SV2B: variants seen among roughly 807,000 people sequenced by gnomAD.
SV2B encodes the protein solute carrier family 22 member B2.
Under a neutral mutation model 73.9 loss-of-function variants are expected in SV2B, and 41 were observed. The observed-to-expected ratio is 0.56, with a 90% CI of 0.43 to 0.72. The LOEUF (loss-of-function observed/expected upper bound fraction) is 0.72, where lower values mean the gene tolerates loss of function less well. Among genes scored for constraint, SV2B ranks in the 30% least tolerant of loss-of-function variants. The pLI, the probability that SV2B is intolerant of heterozygous loss-of-function variation, is 0.00. For synonymous variants in SV2B, 314 were observed against 314.2 expected, an observed-to-expected ratio of 1.00 and a Z score of 0.01; for missense variants, 764 against 857.8, an observed-to-expected ratio of 0.89 and a Z score of 1.37.
intron 1 of SV2B, among the ~76,000 whole-genome samples, chr15:91,194,442 GTA>G (rs2045167645): frequency 6.6e-6 from 1 of 152,210 alleles, no homozygotes; most frequent in Admixed American, 6.5e-5. Flanking sequence ...ACATTCTTGT[GTA>G]TGTCTTTTGG....
At chr15:91,109,050 G>A (rs2041966947) in intron 1 of SV2B, among the ~76,000 whole-genome samples, 2 of 152,138 alleles carry the variant, frequency 1.3e-5, no homozygotes, top group African/African-American at 4.8e-5. Context: ...CTCTCCTAAC[G>A]GATGACTGTC....
At chr15:91,259,568 A>G (rs2047832279) in intron 5 of SV2B, among the ~76,000 whole-genome samples, 1 of 152,218 alleles carries the variant, frequency 6.6e-6, no homozygotes, top group Non-Finnish European at 1.5e-5. Flanking sequence ...TTAAAAGGAC[A>G]AATTTATCTC....
At chr15:91,208,490 T>C (rs1006927879) in intron 1 of SV2B, among the ~76,000 whole-genome samples, 1 of 152,220 alleles carries the variant, frequency 6.6e-6, no homozygotes, top group Non-Finnish European at 1.5e-5. Context: ...AAACATCATG[T>C]ATTTGGTTTC....
At chr15:91,111,573 A>G (rs2042036696) in intron 1 of SV2B, among the ~76,000 whole-genome samples, 1 of 152,198 alleles carries the variant, frequency 6.6e-6, no homozygotes, top group South Asian at 2.1e-4. Flanking sequence ...TGAGCCTTGA[A>G]GGTTGGGCTG....
Position 91,266,666 on chromosome 15 carries a change from G to C in SV2B, c.1093G>C (p.Val365Leu). ...AGGAACCTGGTACCAGCGCTGGCTGGTCAGATTCAAGACCATTTTCAAGCA... is the reference window on the plus strand; with the variant it reads ...AGGAACCTGGTACCAGCGCTGGCTGCTCAGATTCAAGACCATTTTCAAGCA... The part of the protein sequence containing the change: ...STGTWYQRWL[V>L]RFKTIFKQVW... The change falls in exon 7 of 13, where the codon GTC (valine) becomes CTC (leucine). Residue 365 changes from valine to leucine, a missense_variant. Val to Leu is a conservative substitution (Grantham distance 32). Transcript: ENST00000394232. 6.2e-7 allele frequency: 1 copy of C among 1,613,980 alleles called. No individual in the cohort carries two copies. Among genetic ancestry groups the C allele is most frequent in the Non-Finnish European group, 8.5e-7 (1 of 1,179,944 alleles).
intron 1 of SV2B, among the ~76,000 whole-genome samples, chr15:91,221,811 T>C: frequency 6.6e-6 from 1 of 152,158 alleles, no homozygotes; most frequent in South Asian, 2.1e-4. Flanking sequence ...CAGGAGGACC[T>C]TTCCAGAGCC....
intron 6 of SV2B, among the ~76,000 whole-genome samples, chr15:91,260,750 A>G (rs547924421): frequency 3.0e-4 from 46 of 152,292 alleles, no homozygotes; most frequent in African/African-American, 1.1e-3. Flanking sequence ...ACAGTTCCGC[A>G]TGGCTGGGGA....
chr15:91,293,573 A>T lies in SV2B; in HGVS notation c.*1021A>T, dbSNP rs544108157. The stretch of plus-strand genomic sequence containing the variant: ...AGTGCTGGCATTTTACTTTGCCACT[A>T]CCCAAAAACAATGTGAGATGTGTTC... On this transcript the variant is annotated 3_prime_UTR_variant, in exon 13 of 13. Coordinates refer to ENST00000394232, the MANE Select transcript of SV2B (RefSeq NM_001323032.3). The T allele has an allele frequency of 5.9e-5, 9 of 152,320 alleles. No individual in the cohort carries two copies. Among genetic ancestry groups the T allele is most frequent in the African/African-American group, 2.2e-4 (9 of 41,568 alleles). The allele number at this position is 152,320 out of a possible 1,614,324, so 9.4% of individuals were successfully genotyped here. A position where few individuals can be genotyped will look rare whatever the true frequency, so the allele number is the denominator to read the frequency against.
rs774338232 is a variant in SV2B, at chr15:91,121,214, CAA to C, written c.-392+20853_-392+20854del. Among the ~76,000 whole-genome samples, 29 of 152,004 alleles carry C rather than the reference CAA, an allele frequency of 1.9e-4. No homozygotes were observed. Among genetic ancestry groups the C allele is most frequent in the Non-Finnish European group, 3.7e-4 (25 of 68,026 alleles). On this transcript the variant is annotated intron_variant, in intron 1 of 12. Coordinates refer to ENST00000394232, the MANE Select transcript of SV2B (RefSeq NM_001323032.3). This position sits in a 1 kb window ranked among gnomAD's most constrained non-coding sequence, Gnocchi z 4.4. ...TTAGTGAGCACCGCTGATTTCGAGT[CAA>C]AGTTTTCTTCACCTCAGGCGAGTTT...
At chr15:91,199,188 G>T (rs904573608) in intron 1 of SV2B, among the ~76,000 whole-genome samples, 2 of 152,072 alleles carry the variant, frequency 1.3e-5, no homozygotes, top group Non-Finnish European at 2.9e-5. Flanking sequence ...AAAAAATCAT[G>T]TAAACTATAG....
At position 91,168,056 on chromosome 15, in the gene SV2B, C is replaced by T. The variant is rs184349035; in HGVS notation, c.-391-57817C>T. ...ATGGTGTCTAGTATAGTTCAGTTCC[C>T]AGAGGTTTTGCTATACTGCTTTGAG... On this transcript the variant is annotated intron_variant, in intron 1 of 12. Coordinates refer to ENST00000394232, the MANE Select transcript of SV2B (RefSeq NM_001323032.3). Among the ~76,000 whole-genome samples, 200 of 152,192 alleles carry T rather than the reference C, an allele frequency of 1.3e-3. 1 individual carries two copies. The highest frequency in any genetic ancestry group is 2.2e-3 in the Non-Finnish European group (153 of 68,006).
rs969513512 is a variant in SV2B at position 91,280,755 on chromosome 15, G to A, written c.1374-973G>A. ...CTTTTTAACTGAGTTTTAAAAAAAA[G>A]TGAACACATAATACATACGCTTGGC... On this transcript the variant is annotated intron_variant, in intron 9 of 12. Transcript: ENST00000394232. The surrounding 1 kb of genome is among the most constrained non-coding windows in gnomAD (Gnocchi z 5.8). Among the ~76,000 whole-genome samples the A allele has an allele frequency of 6.6e-6, 1 of 152,164 alleles. No individual in the cohort carries two copies. Among genetic ancestry groups the A allele is most frequent in the African/African-American group, 2.4e-5 (1 of 41,438 alleles).
chr15:91,230,541 T>C (rs2046536867), intron 2 of SV2B, among the ~76,000 whole-genome samples: 1 of 152,232 alleles, frequency 6.6e-6, no homozygotes, highest in Non-Finnish European at 1.5e-5. Context: ...TTATGTTTTA[T>C]TGGATCTTCA....
At chr15:91,177,206 A>T (rs183192702) in intron 1 of SV2B, among the ~76,000 whole-genome samples, 95 of 152,142 alleles carry the variant, frequency 6.2e-4, no homozygotes, top group African/African-American at 2.3e-3. Flanking sequence ...AGTTGTAAAT[A>T]TGCGGCATTA....
rs2048153907 is a variant in SV2B, at chr15:91,267,687, G to GT, written c.1208+45dup. ...AAATTTCGTAATTCCCTGTGCCTCA[G>GT]TGGCCTCCTTTACACATTGAGGATT... On this transcript the variant is annotated intron_variant, in intron 8 of 12. Transcript: ENST00000394232. This position sits in a 1 kb window ranked among gnomAD's most constrained non-coding sequence, Gnocchi z 4.3. The GT allele has an allele frequency of 6.9e-7, 1 of 1,452,416 alleles. No individual in the cohort carries two copies. The highest frequency in any genetic ancestry group is 1.4e-5 in the African/African-American group (1 of 72,032). The allele number at this position is 1,452,416 out of a possible 1,614,324, so 90.0% of individuals were successfully genotyped here. A position where few individuals can be genotyped will look rare whatever the true frequency, so the allele number is the denominator to read the frequency against.
rs945185998 is a variant in SV2B at position 91,234,697 on chromosome 15, C to T, written c.451+7983C>T. Among the ~76,000 whole-genome samples, 2 of 152,160 alleles carry T rather than the reference C, an allele frequency of 1.3e-5. No homozygotes were observed. Among genetic ancestry groups the T allele is most frequent in the Admixed American group, 6.5e-5 (1 of 15,282 alleles). ...CAATTCCCAGACTTGAGCCAGTTTA[C>T]AGACCCAGAAACCCTTGAATGAAAG... On this transcript the variant is annotated intron_variant, in intron 2 of 12. Transcript: ENST00000394232. This position sits in a 1 kb window ranked among gnomAD's most constrained non-coding sequence, Gnocchi z 5.6.
Position 91,152,686 on chromosome 15 carries a change from CT to C in SV2B, c.-392+52326del, listed in dbSNP as rs5814464. Among the ~76,000 whole-genome samples the C allele has an allele frequency of 6.5e-3, 986 of 152,170 alleles. 9 individuals carry two copies. The highest frequency in any genetic ancestry group is 0.022 in the African/African-American group (926 of 41,520). On this transcript the variant is annotated intron_variant, in intron 1 of 12. Coordinates refer to ENST00000394232, the MANE Select transcript of SV2B (RefSeq NM_001323032.3). ...ATTGTGTAAGTTTGGCTTGTGTTAC[CT>C]TTAAAAAAGGGAATGTGGGGTGAGG...
In SV2B at chr15:91,100,885, A is replaced by G. The variant is rs1429134104; in HGVS notation, c.-392+522A>G. On this transcript the variant is annotated intron_variant, in intron 1 of 12. Transcript: ENST00000394232. This position sits in a 1 kb window ranked among gnomAD's most constrained non-coding sequence, Gnocchi z 6.4. ...GGGAGCCGTTTCTTAGGGACACAGAAGGATTTGTTTATGGACGGGTTTTAG... is the reference window on the plus strand; with the variant it reads ...GGGAGCCGTTTCTTAGGGACACAGAGGGATTTGTTTATGGACGGGTTTTAG... Among the ~76,000 whole-genome samples, 2 of 152,146 alleles carry G rather than the reference A, an allele frequency of 1.3e-5. No individual in the cohort carries two copies. Among genetic ancestry groups the G allele is most frequent in the Non-Finnish European group, 2.9e-5 (2 of 68,014 alleles).
intron 1 of SV2B, among the ~76,000 whole-genome samples, chr15:91,222,423 A>T (rs1369516127): frequency 6.6e-6 from 1 of 152,224 alleles, no homozygotes; most frequent in Non-Finnish European, 1.5e-5. Context: ...TTATTACCAC[A>T]CGATGCTTTG....
Sources: allele counts gnomAD v4.1 joint callset (sites outside exome capture counted in the v4.1 genomes callset), GRCh38; gene constraint gnomAD v4.1.1; non-coding constraint Gnocchi (gnomAD v3.1); transcripts MANE v1.5; gene names NCBI Gene and HGNC (gene_info 2026-07-23, HGNC 2026-07-21).